Variants in TMEM132B observed in about 807,000 individuals in gnomAD.
TMEM132B encodes the protein transmembrane protein 132B.
Under a neutral mutation model 90.8 loss-of-function variants are expected in TMEM132B, and 18 were observed. That is an observed-to-expected ratio of 0.20 (90% CI 0.14 to 0.29). TMEM132B has a LOEUF of 0.29. Ranked by LOEUF, TMEM132B falls within the 10% of genes least tolerant of loss-of-function variation. The pLI is 1.00. For synonymous variants in TMEM132B, 504 were observed against 523.3 expected (o/e 0.96, Z 0.50); for missense variants, 1,096 against 1,326.8 (o/e 0.83, Z 2.70).
Position 125,458,539 on chromosome 12 carries a change from C to A in TMEM132B, c.1106+42862C>A, listed in dbSNP as rs1236356091. Among the ~76,000 whole-genome samples, 5 of 152,150 alleles carry A rather than the reference C, an allele frequency of 3.3e-5. No homozygotes were observed. Among genetic ancestry groups the A allele is most frequent in the Non-Finnish European group, 7.4e-5 (5 of 68,020 alleles). On this transcript the variant is annotated intron_variant, in intron 3 of 8. Transcript: ENST00000682704. This position sits in a 1 kb window ranked among gnomAD's most constrained non-coding sequence, Gnocchi z 4.9. Reference sequence around the variant, plus strand: ...GGGGAGCTGAGGGCTGCACAATTCTCAGAGCTCCCTCAGGGCTGGGGGATG... The same window carrying A: ...GGGGAGCTGAGGGCTGCACAATTCTAAGAGCTCCCTCAGGGCTGGGGGATG...
chr12:125,474,118 T>G (rs1881803485), intron 3 of TMEM132B, among the ~76,000 whole-genome samples: 1 of 150,898 alleles, frequency 6.6e-6, no homozygotes, highest in Non-Finnish European at 1.5e-5. Flanking sequence ...CGTCTTTCTG[T>G]CATTTTCTTT....
intron 1 of TMEM132B, among the ~76,000 whole-genome samples, chr12:125,332,632 G>T (rs2136207096): frequency 7.7e-6 from 1 of 129,440 alleles, no homozygotes. Context: ...ACAGTAGAGT[G>T]CTTTGGTAGG....
chr12:125,542,025 C>CAAAAA (rs71306285), intron 4 of TMEM132B, among the ~76,000 whole-genome samples: 3 of 23,300 alleles, frequency 1.3e-4, no homozygotes, highest in East Asian at 1.1e-3. Flanking sequence ...ACCCCCGTCT[C>CAAAAA]AAAAAAAAAA....
At chr12:125,358,885 T>C (rs970022369) in intron 2 of TMEM132B, among the ~76,000 whole-genome samples, 7 of 152,252 alleles carry the variant, frequency 4.6e-5, no homozygotes, top group Non-Finnish European at 7.3e-5. Flanking sequence ...TTGACGATTC[T>C]TGTCTCAAAT....
chr12:125,556,890 G>A lies in TMEM132B; in HGVS notation c.1294-26961G>A, dbSNP rs531847636. ...CTGCCTCAGCCTCCCAAGTAGCTGG[G>A]ACTACAGGCGCCCGCCACCATGCCT... On this transcript the variant is annotated intron_variant, in intron 4 of 8. Transcript: ENST00000682704. Among the ~76,000 whole-genome samples, 209 of 152,254 alleles carry A rather than the reference G, an allele frequency of 1.4e-3. 2 individuals are homozygous for A. The highest frequency in any genetic ancestry group is 4.1e-3 in the African/African-American group (171 of 41,558).
At position 125,618,684 on chromosome 12, in the gene TMEM132B, A is replaced by G. The variant is rs185240802; in HGVS notation, c.1438-25392A>G. ...GTATCCTTTAAATGTTTTTTTTTAA[A>G]GAATACAAATTTTCTCCAATTATGA... On this transcript the variant is annotated intron_variant, in intron 5 of 8. Coordinates refer to ENST00000682704, the MANE Select transcript of TMEM132B (RefSeq NM_001366854.1). Among the ~76,000 whole-genome samples the G allele has an allele frequency of 2.7e-4, 41 of 152,244 alleles. No individual in the cohort carries two copies. In the East Asian group the frequency reaches 7.9e-3, roughly 29 times the overall value.
In TMEM132B at chr12:125,429,223, G is replaced by A. The variant is rs150802781; in HGVS notation, c.1106+13546G>A. ...CTCTTTCTTTTTTTTTTTTCAAGAGGGAGTCTCACTCTATCACCCAGGCTG... is the reference window on the plus strand; with the variant it reads ...CTCTTTCTTTTTTTTTTTTCAAGAGAGAGTCTCACTCTATCACCCAGGCTG... On this transcript the variant is annotated intron_variant, in intron 3 of 8. Coordinates refer to ENST00000682704, the MANE Select transcript of TMEM132B (RefSeq NM_001366854.1). Among the ~76,000 whole-genome samples the A allele has an allele frequency of 8.2e-3, 1,225 of 149,542 alleles. 17 individuals are homozygous for A. Among genetic ancestry groups the A allele is most frequent in the African/African-American group, 0.027 (1,114 of 40,552 alleles).
intron 3 of TMEM132B, among the ~76,000 whole-genome samples, chr12:125,517,724 A>T (rs951277616): frequency 2.0e-5 from 3 of 152,028 alleles, no homozygotes; most frequent in African/African-American, 7.2e-5. Context: ...CCCTCATTCC[A>T]TCCCCATAAT....
chr12:125,239,734 C>T (rs1218933653), intron 1 of TMEM132B, among the ~76,000 whole-genome samples: 2 of 152,206 alleles, frequency 1.3e-5, no homozygotes, highest in Admixed American at 6.5e-5. Flanking sequence ...TGCTCATCCT[C>T]CCGGCGAGCG....
chr12:125,442,664 C>T (rs1187459733), intron 3 of TMEM132B, among the ~76,000 whole-genome samples: 2 of 152,146 alleles, frequency 1.3e-5, no homozygotes, highest in Non-Finnish European at 2.9e-5. Context: ...ATGCTCTATT[C>T]AGGACGATGA....
chr12:125,425,893 A>G (rs1880304741), intron 3 of TMEM132B, among the ~76,000 whole-genome samples: 1 of 152,226 alleles, frequency 6.6e-6, no homozygotes, highest in Non-Finnish European at 1.5e-5. Context: ...ATTATGATTA[A>G]TGCTACTATA....
At chr12:125,505,181 A>AAC (rs1555254109) in intron 3 of TMEM132B, among the ~76,000 whole-genome samples, 2 of 144,802 alleles carry the variant, frequency 1.4e-5, no homozygotes, top group Non-Finnish European at 3.0e-5. Context: ...AAAAAAAAAA[A>AAC]AAAAAAAAAA....
intron 1 of TMEM132B, among the ~76,000 whole-genome samples, chr12:125,261,977 G>A (rs1874578053): frequency 6.6e-6 from 1 of 152,166 alleles, no homozygotes; most frequent in African/African-American, 2.4e-5. Context: ...GGTTACAGGA[G>A]TGAGCCACCA....
chr12:125,199,272 A>AT (rs1361472555), intron 1 of TMEM132B, among the ~76,000 whole-genome samples: 4 of 152,148 alleles, frequency 2.6e-5, no homozygotes, highest in Non-Finnish European at 5.9e-5. Context: ...GAGGGAATGA[A>AT]GGGGTGATGC....
intron 5 of TMEM132B, among the ~76,000 whole-genome samples, chr12:125,590,519 G>C (rs934732848): frequency 6.6e-6 from 1 of 152,148 alleles, no homozygotes; most frequent in African/African-American, 2.4e-5. Context: ...AAGGTAGAAG[G>C]TTCCCTGTAG....
chr12:125,518,926 C>T (rs1408848575), intron 3 of TMEM132B, among the ~76,000 whole-genome samples: 1 of 152,232 alleles, frequency 6.6e-6, no homozygotes, highest in African/African-American at 2.4e-5. Context: ...CCTGATGCTT[C>T]CACACACCCA....
At chr12:125,597,044 C>T (rs1035483395) in intron 5 of TMEM132B, among the ~76,000 whole-genome samples, 7 of 152,138 alleles carry the variant, frequency 4.6e-5, no homozygotes, top group Non-Finnish European at 1.0e-4. Flanking sequence ...CACCATGGCT[C>T]TGGCTGGGAG....
intron 3 of TMEM132B, among the ~76,000 whole-genome samples, chr12:125,474,561 T>C (rs947274135): frequency 3.3e-5 from 5 of 152,182 alleles, no homozygotes; most frequent in African/African-American, 1.2e-4. Flanking sequence ...AGTGCTGGGA[T>C]TGCAGTCATG....
chr12:125,506,196 G>A (rs1882844777), intron 3 of TMEM132B, among the ~76,000 whole-genome samples: 1 of 152,190 alleles, frequency 6.6e-6, no homozygotes, highest in African/African-American at 2.4e-5. Context: ...ATAGAAAGGA[G>A]CTTGCTACTG....
Sources: allele counts gnomAD v4.1 joint callset (sites outside exome capture counted in the v4.1 genomes callset), GRCh38; gene constraint gnomAD v4.1.1; non-coding constraint Gnocchi (gnomAD v3.1); transcripts MANE v1.5; gene names NCBI Gene and HGNC (gene_info 2026-07-23, HGNC 2026-07-21).